Variants in IL1RAPL2 observed in about 807,000 individuals in gnomAD.
The protein encoded by IL1RAPL2 is interleukin 1 receptor accessory protein like 2, also known as X-linked interleukin-1 receptor accessory protein-like 2.
In IL1RAPL2, 3 loss-of-function variants were observed where a neutral mutation model predicts 44.1. The observed-to-expected ratio is 0.07, with a 90% CI of 0.03 to 0.18. The LOEUF (loss-of-function observed/expected upper bound fraction) is 0.18, where lower values mean the gene tolerates loss of function less well. Among genes scored for constraint, IL1RAPL2 ranks in the 10% least tolerant of loss-of-function variants. The pLI is 1.00. For missense variants in IL1RAPL2, 391 were observed against 496.4 expected, an observed-to-expected ratio of 0.79 and a Z score of 2.02; for synonymous variants, 181 against 178.8, an observed-to-expected ratio of 1.01 and a Z score of -0.10.
chrX:105,552,328 C>T (rs759562605), intron 6 of IL1RAPL2, among the ~76,000 whole-genome samples: 1 of 111,882 alleles, frequency 8.9e-6, no homozygotes, highest in South Asian at 3.7e-4. Flanking sequence ...TATGTTAAGT[C>T]GTATTCTTAA....
chrX:104,907,254 C>G (rs1322142178), intron 2 of IL1RAPL2, among the ~76,000 whole-genome samples: 2 of 111,647 alleles, frequency 1.8e-5, no homozygotes, highest in East Asian at 5.6e-4. Flanking sequence ...AAAAAACCAG[C>G]TCCTGGATTC....
rs112033130 is a variant in IL1RAPL2 at position 105,323,872 on chromosome X, T to TCACA, written c.697+56352_697+56355dup. Among the ~76,000 whole-genome samples, 731 of 102,502 alleles carry TCACA rather than the reference T, an allele frequency of 7.1e-3. 12 individuals are homozygous for TCACA. Among genetic ancestry groups the TCACA allele is most frequent in the African/African-American group, 0.025 (692 of 27,647 alleles). The allele number at this position is 102,502 out of a possible 115,157, so 89.0% of individuals were successfully genotyped here. On this transcript the variant is annotated intron_variant, in intron 5 of 10. Coordinates refer to ENST00000372582, the MANE Select transcript of IL1RAPL2 (RefSeq NM_017416.2). ...GTCTGGGCAACAGAGTGAGACTCTG[T>TCACA]CACACACACACACACACACACACAG...
intron 6 of IL1RAPL2, among the ~76,000 whole-genome samples, chrX:105,559,977 C>A (rs999858256): frequency 1.8e-5 from 2 of 111,789 alleles, no homozygotes; most frequent in Admixed American, 9.5e-5. Context: ...GCTTAGATCC[C>A]AATCTTTGAG....
intron 2 of IL1RAPL2, among the ~76,000 whole-genome samples, chrX:104,975,915 G>A (rs1048968368): frequency 2.7e-5 from 3 of 111,268 alleles, no homozygotes; most frequent in Admixed American, 1.9e-4. Flanking sequence ...TCCAGGGAGG[G>A]CATAGGCTTT....
intron 2 of IL1RAPL2, among the ~76,000 whole-genome samples, chrX:105,098,247 C>A (rs1399364951): frequency 2.7e-5 from 3 of 111,672 alleles, no homozygotes; most frequent in Middle Eastern, 4.6e-3. Context: ...ATAATTCTTC[C>A]ACTTGTACTT....
intron 6 of IL1RAPL2, among the ~76,000 whole-genome samples, chrX:105,567,413 A>T (rs1275555839): frequency 8.9e-6 from 1 of 111,898 alleles, no homozygotes; most frequent in African/African-American, 3.2e-5. Flanking sequence ...CAGTACACAT[A>T]TGTTAATTGC....
At chrX:105,042,183 T>A (rs1340121460) in intron 2 of IL1RAPL2, among the ~76,000 whole-genome samples, 1 of 110,639 alleles carries the variant, frequency 9.0e-6, no homozygotes, top group East Asian at 2.9e-4. Context: ...ACTTCATGTC[T>A]AAAACACCAA....
chrX:104,730,971 C>T (rs1931903939), intron 2 of IL1RAPL2, among the ~76,000 whole-genome samples: 1 of 111,058 alleles, frequency 9.0e-6, no homozygotes, highest in African/African-American at 3.3e-5. Flanking sequence ...CTCTGATGGC[C>T]AGTGATGATG....
chrX:105,331,631 AT>A (rs2034987550), intron 5 of IL1RAPL2, among the ~76,000 whole-genome samples: 1 of 111,492 alleles, frequency 9.0e-6, no homozygotes, highest in South Asian at 3.7e-4. Flanking sequence ...GGGAAAAATG[AT>A]TTTTGTCAGC....
intron 2 of IL1RAPL2, among the ~76,000 whole-genome samples, chrX:105,016,663 C>G (rs1390468398): frequency 1.8e-5 from 2 of 111,725 alleles, no homozygotes. Flanking sequence ...AGGGATGAAG[C>G]CAACTTGATC....
intron 1 of IL1RAPL2, among the ~76,000 whole-genome samples, chrX:104,636,512 C>T (rs905700653): frequency 8.9e-6 from 1 of 112,331 alleles, no homozygotes; most frequent in Non-Finnish European, 1.9e-5. Context: ...TTCCTGGCCA[C>T]TTTGTTTGCC....
rs1309814055 is a variant in IL1RAPL2 at position 105,026,034 on chromosome X, C to T, written c.83-169441C>T. Reference sequence around the variant, plus strand: ...ACAGCAAAAAAGACAAGAGTTGGGACCAGGAATCTGCGGAAAAGCATTGAT... The same window carrying T: ...ACAGCAAAAAAGACAAGAGTTGGGATCAGGAATCTGCGGAAAAGCATTGAT... On this transcript the variant is annotated intron_variant, in intron 2 of 10. Coordinates refer to ENST00000372582, the MANE Select transcript of IL1RAPL2 (RefSeq NM_017416.2). Among the ~76,000 whole-genome samples the T allele has an allele frequency of 2.7e-5, 3 of 110,641 alleles. No homozygotes were observed. In the East Asian group the frequency reaches 8.6e-4, roughly 32 times the overall value.
intron 10 of IL1RAPL2, among the ~76,000 whole-genome samples, chrX:105,761,220 T>TACACACAC (rs113089380): frequency 1.7e-3 from 142 of 84,124 alleles, no homozygotes; most frequent in East Asian, 8.8e-3. Context: ...ACTCTTCCTA[T>TACACACAC]ACACACACAC....
chrX:104,747,998 T>C (rs1932203493), intron 2 of IL1RAPL2, among the ~76,000 whole-genome samples: 1 of 111,562 alleles, frequency 9.0e-6, no homozygotes, highest in Non-Finnish European at 1.9e-5. Context: ...AAATGATTCT[T>C]TATAATTTTG....
chrX:105,163,836 A>T (rs1177907020), intron 2 of IL1RAPL2, among the ~76,000 whole-genome samples: 2 of 110,606 alleles, frequency 1.8e-5, no homozygotes, highest in Non-Finnish European at 3.8e-5. Context: ...TTCCTATGTA[A>T]ACTTGTCTGT....
chrX:105,598,882 A>G lies in IL1RAPL2; in HGVS notation c.772+114495A>G, dbSNP rs2037230996. Among the ~76,000 whole-genome samples the G allele has an allele frequency of 1.8e-5, 2 of 112,542 alleles. 1 individual carries two copies. The highest frequency in any genetic ancestry group is 1.9e-4 in the Admixed American group (2 of 10,651). On this transcript the variant is annotated intron_variant, in intron 6 of 10. Coordinates refer to ENST00000372582, the MANE Select transcript of IL1RAPL2 (RefSeq NM_017416.2). ...ACCAAAGCATCCACACACATTTCCA[A>G]ATTCCCCTGTGGGGGATCTACTGCT...
intron 5 of IL1RAPL2, among the ~76,000 whole-genome samples, chrX:105,447,075 T>TTATATATA (rs1205983853): frequency 0.12 from 1,973 of 16,787 alleles, 202 homozygotes; most frequent in Non-Finnish European, 0.14. Flanking sequence ...CTGGTTAAAA[T>TTATATATA]TATATATATA....
At chrX:105,259,112 T>C (rs1212052174) in intron 4 of IL1RAPL2, among the ~76,000 whole-genome samples, 1 of 111,830 alleles carries the variant, frequency 8.9e-6, no homozygotes, top group Non-Finnish European at 1.9e-5. Flanking sequence ...TTTCTGGATG[T>C]TTTCACTGGG....
At position 105,437,839 on chromosome X, in the gene IL1RAPL2, A is replaced by G; in HGVS notation, c.698-46474A>G. On this transcript the variant is annotated intron_variant, in intron 5 of 10. Coordinates refer to ENST00000372582, the MANE Select transcript of IL1RAPL2 (RefSeq NM_017416.2). Reference sequence around the variant, plus strand: ...GATGAATATTTAGTCACAGCCATTAACCTTTAATTTTAATGGTTTTGATTG... The same window carrying G: ...GATGAATATTTAGTCACAGCCATTAGCCTTTAATTTTAATGGTTTTGATTG... Among the ~76,000 whole-genome samples, 4 of 111,897 alleles carry G rather than the reference A, an allele frequency of 3.6e-5. 1 individual carries two copies. In the Middle Eastern group the frequency reaches 0.018, roughly 513 times the overall value.
Sources: gnomAD v4.1 joint callset for allele counts (sites outside exome capture counted in the v4.1 genomes callset) on GRCh38, gnomAD v4.1.1 for gene constraint, MANE v1.5 for transcripts, NCBI Gene and HGNC (gene_info 2026-07-23, HGNC 2026-07-21) for gene names.